The following LINGO2 variants were observed in gnomAD, a reference collection of about 807,000 sequenced individuals.
LINGO2 encodes leucine rich repeat and Ig domain containing 2.
LINGO2 carries 14 observed loss-of-function variants against 30.6 expected under a neutral mutation model. The observed-to-expected ratio is 0.46, with a 90% CI of 0.30 to 0.72. The LOEUF (loss-of-function observed/expected upper bound fraction) is 0.72, where lower values mean the gene tolerates loss of function less well. LINGO2 is among the 30% of genes least tolerant of loss of function. LINGO2 has a pLI of 0.07. For synonymous variants in LINGO2, 317 were observed against 288.5 expected, an observed-to-expected ratio of 1.10 and a Z score of -1.00; for missense variants, 729 against 751.7, an observed-to-expected ratio of 0.97 and a Z score of 0.35.
At chr9:28,277,570 G>A (rs1319875722) in intron 4 of LINGO2, among the ~76,000 whole-genome samples, 2 of 152,108 alleles carry the variant, frequency 1.3e-5, no homozygotes, top group Non-Finnish European at 2.9e-5. Context: ...CTGGGAGGCT[G>A]AGGTGGGCAG....
intron 1 of LINGO2, among the ~76,000 whole-genome samples, chr9:28,599,741 A>G (rs188750098): frequency 1.3e-5 from 2 of 152,304 alleles, no homozygotes; most frequent in Non-Finnish European, 2.9e-5. Flanking sequence ...CACTTGCTTT[A>G]ATTCACTATA....
chr9:29,073,625 C>T, the LINGO2 span, among the ~76,000 whole-genome samples: 27 of 152,142 alleles, frequency 1.8e-4, 1 homozygote, highest in Non-Finnish European at 3.7e-4. Context: ...TGCTTTTAAA[C>T]TATAACAATA....
chr9:28,745,005 G>T, the LINGO2 span, among the ~76,000 whole-genome samples: 3 of 151,900 alleles, frequency 2.0e-5, no homozygotes, highest in South Asian at 6.2e-4. Context: ...ATTGATCAAG[G>T]TTATGCTTAG....
intron 2 of LINGO2, among the ~76,000 whole-genome samples, chr9:28,441,502 C>T (rs1334553643): frequency 4.6e-5 from 7 of 151,852 alleles, no homozygotes; most frequent in African/African-American, 7.3e-5. Context: ...ATTGAAAAAG[C>T]AGATTCCTAG....
chr9:28,847,820 CAT>C, the LINGO2 span, among the ~76,000 whole-genome samples: 9 of 36,596 alleles, frequency 2.5e-4, 2 homozygotes, highest in South Asian at 1.7e-3. Context: ...TGTATATATA[CAT>C]ATATATGTAT....
chr9:29,102,732 T>C, the LINGO2 span, among the ~76,000 whole-genome samples: 3 of 152,156 alleles, frequency 2.0e-5, no homozygotes, highest in Admixed American at 1.3e-4. Context: ...TATTTTTACA[T>C]AGTAAAATAA....
At chr9:28,226,664 A>C (rs897127311) in intron 4 of LINGO2, among the ~76,000 whole-genome samples, 1 of 92,824 alleles carries the variant, frequency 1.1e-5, no homozygotes, top group Non-Finnish European at 2.0e-5. Flanking sequence ...AGAAAGAAAG[A>C]AAGAAAGAAA....
At chr9:28,174,511 A>G (rs1465802616) in intron 4 of LINGO2, among the ~76,000 whole-genome samples, 1 of 152,092 alleles carries the variant, frequency 6.6e-6, no homozygotes, top group Non-Finnish European at 1.5e-5. Flanking sequence ...ACACACAAAC[A>G]CACACACATA....
chr9:28,992,538 C>A, the LINGO2 span, among the ~76,000 whole-genome samples: 9 of 152,062 alleles, frequency 5.9e-5, no homozygotes, highest in African/African-American at 2.2e-4. Flanking sequence ...CAGAACTCTC[C>A]ACCCCAAATC....
In LINGO2 at chr9:27,988,626, G is replaced by A. The variant is rs141297367; in HGVS notation, c.-36+23729C>T. 1.8e-3 allele frequency among the ~76,000 whole-genome samples: 279 copies of A among 151,894 alleles called. 1 individual carries two copies. Among genetic ancestry groups the A allele is most frequent in the Middle Eastern group, 6.8e-3 (2 of 294 alleles). Reference sequence around the variant, plus strand: ...TGATGAGCATTTTTTCATGTCTGTCGGCTGCATAAATGTCTTCTTTTGAGT... The same window carrying A: ...TGATGAGCATTTTTTCATGTCTGTCAGCTGCATAAATGTCTTCTTTTGAGT... On this transcript the variant is annotated intron_variant, in intron 5 of 5. Transcript: ENST00000379992.
chr9:28,107,246 C>T (rs185731621), intron 4 of LINGO2, among the ~76,000 whole-genome samples: 13 of 152,280 alleles, frequency 8.5e-5, no homozygotes, highest in Non-Finnish European at 1.5e-4. Context: ...TCTATGAGGG[C>T]AGAAATCATA....
At chr9:28,870,321 A>G in the LINGO2 span, among the ~76,000 whole-genome samples, 1 of 152,048 alleles carries the variant, frequency 6.6e-6, no homozygotes, top group Admixed American at 6.6e-5. Context: ...GTCCACCTGT[A>G]CTTCCCACTC....
At chr9:28,843,894 C>G in the LINGO2 span, among the ~76,000 whole-genome samples, 1 of 151,812 alleles carries the variant, frequency 6.6e-6, no homozygotes, top group Non-Finnish European at 1.5e-5. Context: ...ATTGGCTCTA[C>G]TTCTTACAGA....
At chr9:28,384,309 C>T (rs1238180899) in intron 2 of LINGO2, among the ~76,000 whole-genome samples, 1 of 121,066 alleles carries the variant, frequency 8.3e-6, no homozygotes, top group African/African-American at 2.7e-5. Context: ...TTATCACTCC[C>T]TTCTTTTCCA....
chr9:28,920,833 C>A, the LINGO2 span, among the ~76,000 whole-genome samples: 2 of 152,140 alleles, frequency 1.3e-5, no homozygotes, highest in East Asian at 1.9e-4. Flanking sequence ...CCTGGCCACA[C>A]ACTTAAAATT....
intron 1 of LINGO2, among the ~76,000 whole-genome samples, chr9:28,513,442 A>G (rs1820495959): frequency 6.6e-6 from 1 of 152,222 alleles, no homozygotes; most frequent in East Asian, 1.9e-4. Flanking sequence ...ACAGCTATAT[A>G]ATCTTAGTTT....
chr9:28,282,209 A>G (rs1823351785), intron 4 of LINGO2, among the ~76,000 whole-genome samples: 1 of 152,170 alleles, frequency 6.6e-6, no homozygotes, highest in Non-Finnish European at 1.5e-5. Context: ...TTTCAATATT[A>G]AATGCATCAT....
intron 4 of LINGO2, among the ~76,000 whole-genome samples, chr9:28,213,387 A>G (rs1368857367): frequency 3.3e-5 from 5 of 151,496 alleles, no homozygotes; most frequent in African/African-American, 1.2e-4. Flanking sequence ...AGCCACAAAA[A>G]TACAGAAAAT....
At chr9:28,366,309 A>G (rs1221359121) in intron 3 of LINGO2, among the ~76,000 whole-genome samples, 1 of 152,156 alleles carries the variant, frequency 6.6e-6, no homozygotes, top group Non-Finnish European at 1.5e-5. Context: ...CATCCCTCTT[A>G]TGTGATCTTT....
Sources: gnomAD v4.1 joint callset for allele counts (sites outside exome capture counted in the v4.1 genomes callset) on GRCh38, gnomAD v4.1.1 for gene constraint, MANE v1.5 for transcripts, NCBI Gene and HGNC (gene_info 2026-07-23, HGNC 2026-07-21) for gene names.